Variants in CNNM1 observed in about 807,000 individuals in gnomAD.
CNNM1 encodes cyclin and CBS domain divalent metal cation transport mediator 1, also known as metal transporter CNNM1.
A neutral mutation model predicts 78.8 loss-of-function variants in CNNM1; 44 were observed. The observed-to-expected ratio is 0.56, with a 90% CI of 0.44 to 0.72. CNNM1 has a LOEUF of 0.72. Ranked by LOEUF, CNNM1 falls within the 30% of genes least tolerant of loss-of-function variation. The pLI is 0.00. For missense variants in CNNM1, 1,101 were observed against 1,292.2 expected (o/e 0.85, Z 2.27); for synonymous variants, 584 against 581.5 (o/e 1.00, Z -0.06).
intron 6 of CNNM1, among the ~76,000 whole-genome samples, chr10:99,372,071 C>T (rs1008790703): frequency 1.3e-5 from 2 of 152,164 alleles, no homozygotes; most frequent in African/African-American, 4.8e-5. Flanking sequence ...TGTGAAGGCT[C>T]CCTGGATACA....
chr10:99,389,956 C>A lies in CNNM1; in HGVS notation c.2675-350C>A, dbSNP rs1011824630. Among the ~76,000 whole-genome samples the A allele has an allele frequency of 2.0e-5, 3 of 152,148 alleles. No homozygotes were observed. The South Asian group carries it at 6.2e-4, about 31-fold the overall frequency. ...CCAAGGAGACCTCCACCTATCCTCA[C>A]GTGTGCTTTTAGTCTGGCAAATAGA... On this transcript the variant is annotated intron_variant, in intron 9 of 10. Transcript: ENST00000356713.
intron 1 of CNNM1, among the ~76,000 whole-genome samples, chr10:99,353,904 C>T (rs1052027528): frequency 5.3e-5 from 8 of 152,160 alleles, no homozygotes; most frequent in Admixed American, 2.6e-4. Flanking sequence ...TGTCCTCAAA[C>T]TGAACTTTCA....
Position 99,377,157 on chromosome 10 carries a change from G to A in CNNM1, c.2279G>A (p.Ser760Asn), listed in dbSNP as rs755422492. ...GGSNTQLYSS[S>N]NNLYMPDYSV... ...AGCAACACCCAGCTGTACAGCAGCAGCAACAACCTCTACATGCCTGACTAC... is the reference window on the plus strand; with the variant it reads ...AGCAACACCCAGCTGTACAGCAGCAACAACAACCTCTACATGCCTGACTAC... Residue 760 changes from serine to asparagine, a missense_variant, in exon 7 of 11, where the codon AGC becomes AAC. Ser to Asn is a conservative substitution (Grantham distance 46). Around this residue, in one of 3 missense-constraint regions of CNNM1, gnomAD observed 348 missense variants for 384.5 expected, o/e 0.90. Coordinates refer to ENST00000356713, the MANE Select transcript of CNNM1 (RefSeq NM_020348.3). 40 of 1,613,340 alleles carry A rather than the reference G, an allele frequency of 2.5e-5. No homozygotes were observed. The highest frequency in any genetic ancestry group is 3.3e-5 in the Non-Finnish European group (39 of 1,179,748).
chr10:99,335,858 A>G (rs951142777), intron 1 of CNNM1, among the ~76,000 whole-genome samples: 5 of 152,180 alleles, frequency 3.3e-5, no homozygotes, highest in African/African-American at 4.8e-5. Context: ...CCTTCTCTCC[A>G]TGGCCTTTCC....
chr10:99,356,550 C>A (rs12244342), intron 1 of CNNM1, among the ~76,000 whole-genome samples: 432 of 41,658 alleles, frequency 0.01, 1 homozygote, highest in African/African-American at 0.019. Context: ...GACAGACAGA[C>A]AGACAGACAG....
Position 99,377,217 on chromosome 10 carries a change from A to G in CNNM1, c.2339A>G (p.Lys780Arg). ...VHILSDVQFV[K>R]ITRQQYQNAL... ...ATCCTCAGCGATGTGCAGTTTGTGA[A>G]GGTAACTCCCCCAGGAAGGTTATCC... Residue 780 changes from lysine to arginine, a missense_variant and splice_region_variant, in exon 7 of 11, where the codon AAG becomes AGG. Physicochemically the swap from Lys to Arg is conservative, Grantham distance 26. Around this residue, in one of 3 missense-constraint regions of CNNM1, gnomAD observed 348 missense variants for 384.5 expected, o/e 0.90. Transcript: ENST00000356713. 6.2e-7 allele frequency: 1 copy of G among 1,613,448 alleles called. No individual in the cohort carries two copies. The highest frequency in any genetic ancestry group is 8.5e-7 in the Non-Finnish European group (1 of 1,179,628).
At chr10:99,365,989 C>G (rs2031604118) in intron 6 of CNNM1, among the ~76,000 whole-genome samples, 1 of 152,158 alleles carries the variant, frequency 6.6e-6, no homozygotes, top group South Asian at 2.1e-4. Flanking sequence ...CTGGCTAGTT[C>G]ACACAGCACA....
At chr10:99,385,741 A>C (rs974734685) in intron 7 of CNNM1, among the ~76,000 whole-genome samples, 1 of 152,190 alleles carries the variant, frequency 6.6e-6, no homozygotes, top group East Asian at 1.9e-4. Flanking sequence ...TTAAAAATGT[A>C]TATGTATTTG....
At chr10:99,361,682 A>G (rs1275387542) in intron 3 of CNNM1, among the ~76,000 whole-genome samples, 1 of 152,238 alleles carries the variant, frequency 6.6e-6, no homozygotes. Flanking sequence ...CCTATGTTAT[A>G]TAAGTAATAT....
chr10:99,376,916 A>T, intron 6 of CNNM1, 139 bp from the exon 7 acceptor site: 1 of 786,322 alleles, frequency 1.3e-6, no homozygotes, highest in Non-Finnish European at 2.1e-6. Context: ...ACCACCACCC[A>T]GTGTTACCAT....
intron 6 of CNNM1, among the ~76,000 whole-genome samples, chr10:99,371,152 A>G (rs1422061791): frequency 6.6e-6 from 1 of 152,182 alleles, no homozygotes; most frequent in Non-Finnish European, 1.5e-5. Context: ...GCTAATTACG[A>G]ATCTGGTGCT....
At chr10:99,341,947 G>A (rs949293168) in intron 1 of CNNM1, among the ~76,000 whole-genome samples, 5 of 152,128 alleles carry the variant, frequency 3.3e-5, no homozygotes, top group Admixed American at 1.3e-4. Flanking sequence ...GATCATGAGA[G>A]TGTAGTTATT....
intron 7 of CNNM1, among the ~76,000 whole-genome samples, chr10:99,377,868 A>G (rs1182493010): frequency 6.6e-6 from 1 of 151,898 alleles, no homozygotes; most frequent in African/African-American, 2.4e-5. Context: ...ATAATTAAAG[A>G]GGAGGGGAGC....
intron 6 of CNNM1, among the ~76,000 whole-genome samples, chr10:99,374,197 G>A (rs1280913185): frequency 2.0e-5 from 3 of 152,148 alleles, no homozygotes; most frequent in Non-Finnish European, 4.4e-5. Context: ...CAACTCTTCT[G>A]CTTTTTACAA....
At chr10:99,358,556 T>C (rs1187830472) in intron 2 of CNNM1, among the ~76,000 whole-genome samples, 1 of 152,058 alleles carries the variant, frequency 6.6e-6, no homozygotes, top group Non-Finnish European at 1.5e-5. Context: ...AGAGCTTTGA[T>C]ACCATAAGGC....
intron 7 of CNNM1, among the ~76,000 whole-genome samples, chr10:99,384,069 ATTAAC>A (rs1321163149): frequency 2.7e-5 from 4 of 148,850 alleles, no homozygotes; most frequent in African/African-American, 5.2e-5. Context: ...TGTTATTAAA[ATTAAC>A]TTGTTTTTAC....
chr10:99,341,908 T>C (rs1340449054), intron 1 of CNNM1, among the ~76,000 whole-genome samples: 1 of 152,228 alleles, frequency 6.6e-6, no homozygotes, highest in African/African-American at 2.4e-5. Context: ...TAAATATAAC[T>C]TAATCTTTTC....
At chr10:99,380,205 C>A (rs1040383242) in intron 7 of CNNM1, among the ~76,000 whole-genome samples, 2 of 151,888 alleles carry the variant, frequency 1.3e-5, no homozygotes, top group Admixed American at 1.3e-4. Context: ...GCCAAAGGCC[C>A]CACCTGTTAA....
intron 1 of CNNM1, among the ~76,000 whole-genome samples, chr10:99,331,432 T>G (rs959861961): frequency 2.0e-5 from 3 of 152,220 alleles, no homozygotes; most frequent in African/African-American, 4.8e-5. Flanking sequence ...TGACAATGTT[T>G]CCTCATATAG....
Sources: gnomAD v4.1 joint callset for allele counts (sites outside exome capture counted in the v4.1 genomes callset) on GRCh38, gnomAD v4.1.1 for gene constraint, gnomAD v4.1.1 regional missense constraint, MANE v1.5 for transcripts, NCBI Gene and HGNC (gene_info 2026-07-23, HGNC 2026-07-21) for gene names.